Variants in GRAP2 observed in about 807,000 individuals in gnomAD.
The protein encoded by GRAP2 is GRB2 related adaptor protein 2.
In GRAP2, 31 loss-of-function variants were observed where a neutral mutation model predicts 43.5. That is an observed-to-expected ratio of 0.71 (90% CI 0.54 to 0.96). GRAP2 has a LOEUF of 0.96. Ranked by LOEUF, GRAP2 falls within the 40% of genes least tolerant of loss-of-function variation. The pLI is 0.00. For synonymous variants in GRAP2, 156 were observed against 164.8 expected (o/e 0.95, Z 0.41); for missense variants, 371 against 424.4 (o/e 0.87, Z 1.11).
chr22:39,940,432 T>C (rs1360418539), intron 1 of GRAP2, among the ~76,000 whole-genome samples: 2 of 151,734 alleles, frequency 1.3e-5, no homozygotes, highest in Non-Finnish European at 2.9e-5. Flanking sequence ...AATAGATTGA[T>C]TTGGGTCTCT....
chr22:39,906,620 C>G (rs1165816488), intron 1 of GRAP2, among the ~76,000 whole-genome samples: 1 of 152,064 alleles, frequency 6.6e-6, no homozygotes, highest in Non-Finnish European at 1.5e-5. Flanking sequence ...ATTGGTTCTG[C>G]CTTTTTATGT....
chr22:39,912,921 G>C (rs144324987), intron 1 of GRAP2, among the ~76,000 whole-genome samples: 226 of 152,156 alleles, frequency 1.5e-3, no homozygotes, highest in African/African-American at 5.1e-3. Context: ...GGCCGGTCAC[G>C]GTGGCTCACA....
At position 39,956,763 on chromosome 22, in the gene GRAP2, C is replaced by G. The variant is rs959238961; in HGVS notation, c.170+853C>G. On this transcript the variant is annotated intron_variant, in intron 3 of 7. Coordinates refer to ENST00000344138, the MANE Select transcript of GRAP2 (RefSeq NM_004810.4). ...GGATTACAGGTGTGAGCCACTGCAC[C>G]CGGCCTATTTTAAGTTTTTATAAAA... Among the ~76,000 whole-genome samples the G allele has an allele frequency of 3.3e-5, 5 of 152,272 alleles. 1 individual carries two copies. In the South Asian group the frequency reaches 1.0e-3, roughly 32 times the overall value.
intron 1 of GRAP2, among the ~76,000 whole-genome samples, chr22:39,911,783 T>C (rs772249981): frequency 6.6e-6 from 1 of 152,140 alleles, no homozygotes; most frequent in African/African-American, 2.4e-5. Context: ...GCCTGGGCAC[T>C]CGTAGCAGAG....
In GRAP2 at chr22:39,973,544, T is replaced by A. The variant is rs1446668910; in HGVS notation, c.*2460T>A. On this transcript the variant is annotated 3_prime_UTR_variant, in exon 8 of 8. Transcript: ENST00000344138. ...TTTGTACTGAGATGCCAAAGCATCT[T>A]TCCCTTGCTCATCAGCCTCCATTCA... is the stretch of plus-strand genomic sequence containing the variant. The A allele has an allele frequency of 1.3e-5, 2 of 152,252 alleles. No homozygotes were observed. Among genetic ancestry groups the A allele is most frequent in the Non-Finnish European group, 2.9e-5 (2 of 68,054 alleles). 9.4% of individuals were successfully genotyped at this position (152,252 alleles called of 1,614,324 possible). A position where few individuals can be genotyped will look rare whatever the true frequency, so the allele number is the denominator to read the frequency against.
intron 2 of GRAP2, among the ~76,000 whole-genome samples, chr22:39,951,381 C>T (rs572187740): frequency 3.3e-5 from 5 of 152,310 alleles, no homozygotes; most frequent in African/African-American, 7.2e-5. Flanking sequence ...GCAGCTAATG[C>T]GACCTCATTT....
intron 1 of GRAP2, among the ~76,000 whole-genome samples, chr22:39,913,891 G>A (rs1373239450): frequency 1.3e-5 from 2 of 152,102 alleles, no homozygotes; most frequent in African/African-American, 4.8e-5. Context: ...CTCTTCCTGG[G>A]ATGTAAAGCG....
intron 1 of GRAP2, among the ~76,000 whole-genome samples, chr22:39,938,547 A>G (rs2066831166): frequency 6.6e-6 from 1 of 152,186 alleles, no homozygotes; most frequent in South Asian, 2.1e-4. Context: ...GGTCTGCAGG[A>G]GGGGCCCTGG....
chr22:39,930,737 A>T (rs550430508), intron 1 of GRAP2, among the ~76,000 whole-genome samples: 3 of 152,054 alleles, frequency 2.0e-5, no homozygotes, highest in Non-Finnish European at 2.9e-5. Flanking sequence ...CATGCTTTCA[A>T]TGTCCTCCAT....
At chr22:39,944,291 G>A (rs2066898957) in intron 1 of GRAP2, among the ~76,000 whole-genome samples, 1 of 152,032 alleles carries the variant, frequency 6.6e-6, no homozygotes, top group South Asian at 2.1e-4. Flanking sequence ...TAGAGGAATG[G>A]GATATACATT....
chr22:39,952,647 C>T (rs2145647599), intron 2 of GRAP2, among the ~76,000 whole-genome samples: 1 of 152,262 alleles, frequency 6.6e-6, no homozygotes, highest in East Asian at 1.9e-4. Flanking sequence ...ATAAAGTTTT[C>T]TGTTCTCAGC....
Position 39,971,126 on chromosome 22 carries a change from A to C in GRAP2, c.*42A>C. On this transcript the variant is annotated 3_prime_UTR_variant, in exon 8 of 8. Coordinates refer to ENST00000344138, the MANE Select transcript of GRAP2 (RefSeq NM_004810.4). ...AAGCTTTTTGTCTGGAGCTGCCCAC[A>C]AGAAAGAGGGCAAGGAAAAAAGGCT... 1 of 1,485,482 alleles carries C rather than the reference A, an allele frequency of 6.7e-7. No homozygotes were observed. Among genetic ancestry groups the C allele is most frequent in the Non-Finnish European group, 9.3e-7 (1 of 1,079,344 alleles). 92.0% of individuals were successfully genotyped at this position (1,485,482 alleles called of 1,614,324 possible). A position where few individuals can be genotyped will look rare whatever the true frequency, so the allele number is the denominator to read the frequency against.
At chr22:39,931,540 T>C (rs1569200441) in intron 1 of GRAP2, among the ~76,000 whole-genome samples, 1 of 152,298 alleles carries the variant, frequency 6.6e-6, no homozygotes, top group East Asian at 1.9e-4. Context: ...ACATGGGTGG[T>C]ACAAGTAAAT....
chr22:39,909,235 G>A (rs1601687562), intron 1 of GRAP2, among the ~76,000 whole-genome samples: 1 of 152,158 alleles, frequency 6.6e-6, no homozygotes, highest in East Asian at 1.9e-4. Context: ...TTGGTACCCT[G>A]TAAGTATCCA....
At chr22:39,930,142 T>C (rs966667562) in intron 1 of GRAP2, among the ~76,000 whole-genome samples, 3 of 152,248 alleles carry the variant, frequency 2.0e-5, no homozygotes, top group African/African-American at 7.2e-5. Flanking sequence ...TTTCTTTTAC[T>C]TTTTAAAGTG....
At chr22:39,938,954 T>C (rs2066836103) in intron 1 of GRAP2, among the ~76,000 whole-genome samples, 1 of 152,098 alleles carries the variant, frequency 6.6e-6, no homozygotes, top group South Asian at 2.1e-4. Context: ...TTCCATGTGT[T>C]CACCCCTGCC....
intron 1 of GRAP2, among the ~76,000 whole-genome samples, chr22:39,920,835 CA>C (rs571387557): frequency 3.4e-5 from 5 of 147,758 alleles, no homozygotes; most frequent in African/African-American, 1.0e-4. Flanking sequence ...CCCTGACAGC[CA>C]AAAAAAAAGT....
At chr22:39,962,475 A>G (rs977503706) in intron 4 of GRAP2, among the ~76,000 whole-genome samples, 25 of 152,100 alleles carry the variant, frequency 1.6e-4, no homozygotes, top group African/African-American at 6.0e-4. Context: ...ATTAGAAAAA[A>G]CAATTATACA....
intron 1 of GRAP2, among the ~76,000 whole-genome samples, chr22:39,936,008 T>C (rs2066802972): frequency 6.6e-6 from 1 of 151,480 alleles, no homozygotes; most frequent in African/African-American, 2.4e-5. Flanking sequence ...AAAACAAACA[T>C]TAAGTGAACA....
Sources: gnomAD v4.1 joint callset for allele counts (sites outside exome capture counted in the v4.1 genomes callset) on GRCh38, gnomAD v4.1.1 for gene constraint, MANE v1.5 for transcripts, NCBI Gene and HGNC (gene_info 2026-07-23, HGNC 2026-07-21) for gene names.